SEMA6D: variants seen among roughly 807,000 people sequenced by gnomAD.
SEMA6D encodes semaphorin-6D.
SEMA6D carries 35 observed loss-of-function variants against 106.6 expected under a neutral mutation model. The ratio of observed to expected loss-of-function variants is 0.33; its 90% CI spans 0.25 to 0.44. SEMA6D has a LOEUF of 0.44. Ranked by LOEUF, SEMA6D falls within the 20% of genes least tolerant of loss-of-function variation. The pLI, the probability that SEMA6D is intolerant of heterozygous loss-of-function variation, is 1.00. For missense variants in SEMA6D, 1,185 were observed against 1,345.9 expected (o/e 0.88, Z 1.87); for synonymous variants, 499 against 487.7 (o/e 1.02, Z -0.31).
At chr15:47,750,842 G>C (rs1165301531) in intron 1 of SEMA6D, among the ~76,000 whole-genome samples, 1 of 152,218 alleles carries the variant, frequency 6.6e-6, no homozygotes, top group African/African-American at 2.4e-5. Context: ...TATTTGTTCA[G>C]ATGTGACACC....
chr15:47,444,946 G>C (rs2140849144), intron 2 of SEMA6D, among the ~76,000 whole-genome samples: 1 of 152,238 alleles, frequency 6.6e-6, no homozygotes, highest in East Asian at 1.9e-4. Flanking sequence ...ATGAATGTGG[G>C]GGTTTTACTG....
At chr15:47,657,718 T>C (rs12900229) in intron 4 of SEMA6D, among the ~76,000 whole-genome samples, 1 of 112,660 alleles carries the variant, frequency 8.9e-6, no homozygotes, top group African/African-American at 3.5e-5. Flanking sequence ...GGGCTTCATT[T>C]CTTTTTTTTT....
At chr15:47,350,440 CACATGCATTGTTTCACATGCATTGAA>C (rs1164499669) in intron 1 of SEMA6D, among the ~76,000 whole-genome samples, 40 of 152,158 alleles carry the variant, frequency 2.6e-4, no homozygotes, top group Non-Finnish European at 4.6e-4. Context: ...GGCTTATTTT[CACATGCATTGTTTCACATGCATTGAA>C]ACATGCATTG....
chr15:47,188,488 T>C (rs1893724159), intron 1 of SEMA6D, among the ~76,000 whole-genome samples: 1 of 152,286 alleles, frequency 6.6e-6, no homozygotes, highest in African/African-American at 2.4e-5. Context: ...TAGCTTTTTT[T>C]CTGATAAATT....
intron 2 of SEMA6D, among the ~76,000 whole-genome samples, chr15:47,416,465 C>T (rs1278926543): frequency 1.3e-5 from 2 of 152,092 alleles, no homozygotes; most frequent in Non-Finnish European, 2.9e-5. Flanking sequence ...AAATACTCCA[C>T]CCAAATTTCC....
chr15:47,432,009 C>G (rs913794141), intron 2 of SEMA6D, among the ~76,000 whole-genome samples: 1 of 152,052 alleles, frequency 6.6e-6, no homozygotes, highest in Admixed American at 6.6e-5. Context: ...CCCAACCACC[C>G]GCAATGTTAC....
At chr15:47,362,178 G>T (rs2038836005) in intron 1 of SEMA6D, among the ~76,000 whole-genome samples, 1 of 152,148 alleles carries the variant, frequency 6.6e-6, no homozygotes, top group South Asian at 2.1e-4. Context: ...GAGACACAAA[G>T]AAAGGGGAAG....
At chr15:47,570,269 G>A (rs1303390651) in intron 3 of SEMA6D, among the ~76,000 whole-genome samples, 1 of 152,094 alleles carries the variant, frequency 6.6e-6, no homozygotes, top group African/African-American at 2.4e-5. Flanking sequence ...GGAGACCTGT[G>A]GACTCATAAA....
chr15:47,649,742 C>T (rs942693346), intron 4 of SEMA6D, among the ~76,000 whole-genome samples: 1 of 152,102 alleles, frequency 6.6e-6, no homozygotes, highest in Non-Finnish European at 1.5e-5. Context: ...GTTGCAGGAC[C>T]AACAGATGGC....
chr15:47,446,055 C>T (rs781145831), intron 2 of SEMA6D, among the ~76,000 whole-genome samples: 10 of 152,268 alleles, frequency 6.6e-5, no homozygotes, highest in South Asian at 6.2e-4. Flanking sequence ...TAAATAGTTA[C>T]GCATGACAGT....
At chr15:47,298,507 A>G (rs1422264319) in intron 1 of SEMA6D, among the ~76,000 whole-genome samples, 2 of 152,184 alleles carry the variant, frequency 1.3e-5, no homozygotes, top group Non-Finnish European at 2.9e-5. Context: ...GTGTGACTTA[A>G]TGACTGAATT....
intron 4 of SEMA6D, among the ~76,000 whole-genome samples, chr15:47,685,981 G>A: frequency 6.6e-6 from 1 of 152,208 alleles, no homozygotes; most frequent in African/African-American, 2.4e-5. Flanking sequence ...CCACTGGAGA[G>A]CAGGTGGGTG....
Position 47,592,363 on chromosome 15 carries a change from G to A in SEMA6D, c.-86-8502G>A, listed in dbSNP as rs117132287. Among the ~76,000 whole-genome samples the A allele has an allele frequency of 7.0e-3, 1,061 of 152,276 alleles. 5 individuals carry two copies. Among genetic ancestry groups the A allele is most frequent in the Admixed American group, 0.018 (281 of 15,294 alleles). ...CTACTGTATTTAAAGTGGGGAAACA[G>A]TACCTAACATATGAATTTTTCAGAC... is the stretch of plus-strand genomic sequence containing the variant. On this transcript the variant is annotated intron_variant, in intron 3 of 19. Transcript: ENST00000558014.
intron 1 of SEMA6D, among the ~76,000 whole-genome samples, chr15:47,397,314 G>A (rs892833916): frequency 2.0e-5 from 3 of 152,302 alleles, no homozygotes; most frequent in Non-Finnish European, 1.5e-5. Flanking sequence ...CTTATTTAAA[G>A]TCATAAACCA....
chr15:47,464,099 T>G (rs1257894458), intron 2 of SEMA6D, among the ~76,000 whole-genome samples: 2 of 152,180 alleles, frequency 1.3e-5, no homozygotes, highest in African/African-American at 4.8e-5. Context: ...TAAGGTAATA[T>G]TCACAGGTTT....
At chr15:47,425,445 G>A (rs2140460812) in intron 2 of SEMA6D, among the ~76,000 whole-genome samples, 1 of 151,722 alleles carries the variant, frequency 6.6e-6, no homozygotes, top group South Asian at 2.1e-4. Flanking sequence ...CCATACTTTG[G>A]GGTATTGCTT....
At chr15:47,749,871 G>T (rs2147292801) in intron 1 of SEMA6D, among the ~76,000 whole-genome samples, 1 of 152,192 alleles carries the variant, frequency 6.6e-6, no homozygotes, top group African/African-American at 2.4e-5. Context: ...GACAAATTTG[G>T]GAAGATGATG....
At chr15:47,469,999 A>G (rs1214041025) in intron 2 of SEMA6D, among the ~76,000 whole-genome samples, 2 of 150,116 alleles carry the variant, frequency 1.3e-5, no homozygotes, top group Admixed American at 6.7e-5. Context: ...AATAGAAGAC[A>G]TATAAATACA....
At chr15:47,651,579 T>C (rs1297426752) in intron 4 of SEMA6D, among the ~76,000 whole-genome samples, 1 of 152,158 alleles carries the variant, frequency 6.6e-6, no homozygotes, top group Non-Finnish European at 1.5e-5. Flanking sequence ...TAAAGAGTGT[T>C]CTAGAATGAG....
Sources: gnomAD v4.1 joint callset for allele counts (sites outside exome capture counted in the v4.1 genomes callset) on GRCh38, gnomAD v4.1.1 for gene constraint, MANE v1.5 for transcripts, NCBI Gene and HGNC (gene_info 2026-07-23, HGNC 2026-07-21) for gene names.